Variants in GRID2 observed in about 807,000 individuals in gnomAD.
The protein encoded by GRID2 is glutamate ionotropic receptor delta type subunit 2.
In GRID2, 33 loss-of-function variants were observed where a neutral mutation model predicts 114.8. The ratio of observed to expected loss-of-function variants is 0.29; its 90% CI spans 0.22 to 0.38. The LOEUF (loss-of-function observed/expected upper bound fraction) is 0.38. Among genes scored for constraint, GRID2 ranks in the 10% least tolerant of loss-of-function variants. The pLI is 1.00. For missense variants in GRID2, 1,184 were observed against 1,257.7 expected (o/e 0.94, Z 0.89); for synonymous variants, 505 against 449.9 (o/e 1.12, Z -1.55).
chr4:92,502,680 G>A (rs1181975214), intron 1 of GRID2, among the ~76,000 whole-genome samples: 1 of 137,142 alleles, frequency 7.3e-6, no homozygotes. Context: ...GCAAATAAAA[G>A]CAATGAACTA....
intron 4 of GRID2, among the ~76,000 whole-genome samples, chr4:93,151,442 CT>C (rs34629174): frequency 0.075 from 11,390 of 152,124 alleles, 462 homozygotes; most frequent in East Asian, 0.17. Context: ...CTTCAACAGG[CT>C]CAAACTTCAA....
intron 2 of GRID2, among the ~76,000 whole-genome samples, chr4:92,688,513 C>T (rs547491511): frequency 2.6e-5 from 4 of 152,200 alleles, no homozygotes; most frequent in Non-Finnish European, 4.4e-5. Context: ...AACAGTATTC[C>T]CAACATCTTT....
At chr4:93,370,404 CACACACACAA>C (rs1213577938) in intron 8 of GRID2, among the ~76,000 whole-genome samples, 44 of 148,840 alleles carry the variant, frequency 3.0e-4, no homozygotes, top group East Asian at 3.9e-4. Context: ...CACACAAACA[CACACACACAA>C]ACACACACAA....
intron 4 of GRID2, among the ~76,000 whole-genome samples, chr4:93,157,955 C>T (rs1560936738): frequency 6.6e-6 from 1 of 151,788 alleles, no homozygotes; most frequent in Admixed American, 6.6e-5. Context: ...AATTTTAAGA[C>T]AGAAATAACA....
In GRID2 at chr4:93,773,054, C is replaced by CA. The variant is rs1734226895; in HGVS notation, c.*562dup. The CA allele has an allele frequency of 6.6e-6, 1 of 152,124 alleles. No individual in the cohort carries two copies. Among genetic ancestry groups the CA allele is most frequent in the Non-Finnish European group, 1.5e-5 (1 of 68,062 alleles). The allele number at this position is 152,124 out of a possible 1,614,324, so 9.4% of individuals were successfully genotyped here. A position where few individuals can be genotyped will look rare whatever the true frequency, so the allele number is the denominator to read the frequency against. On this transcript the variant is annotated 3_prime_UTR_variant, in exon 16 of 16. Transcript: ENST00000282020. ...ATGAGAATGCAATTTTGTAGGATTA[C>CA]AAAAAAGCCATTAATATGCCAGTCA...
At chr4:93,786,646 G>A (rs762616517) in intron 1 of GRID2, among the ~76,000 whole-genome samples, 5 of 152,196 alleles carry the variant, frequency 3.3e-5, no homozygotes, top group Non-Finnish European at 7.3e-5. Context: ...TCTACAAGAT[G>A]GAGGAAGCAA....
chr4:93,497,372 G>T (rs553364414), intron 12 of GRID2, among the ~76,000 whole-genome samples: 4 of 151,694 alleles, frequency 2.6e-5, no homozygotes, highest in Non-Finnish European at 4.4e-5. Context: ...AGTTGATGAA[G>T]TGCAATGTAT....
chr4:93,744,826 C>A (rs773947289), intron 14 of GRID2, among the ~76,000 whole-genome samples: 1 of 151,634 alleles, frequency 6.6e-6, no homozygotes, highest in Non-Finnish European at 1.5e-5. Flanking sequence ...ATACAGCAAC[C>A]CTCATTGTTA....
chr4:92,994,341 TTTTG>T (rs573625295), intron 2 of GRID2, among the ~76,000 whole-genome samples: 107 of 152,062 alleles, frequency 7.0e-4, no homozygotes, highest in African/African-American at 1.8e-3. Context: ...AAGTTATTGT[TTTTG>T]TTTGTTTGTT....
At chr4:93,443,588 A>C (rs1721817535) in intron 10 of GRID2, among the ~76,000 whole-genome samples, 1 of 151,928 alleles carries the variant, frequency 6.6e-6, no homozygotes, top group Admixed American at 6.6e-5. Context: ...ACCTTGTCTG[A>C]GTCTTAGATT....
chr4:93,453,358 G>GAGAA (rs1317806922), intron 10 of GRID2, among the ~76,000 whole-genome samples: 2 of 137,522 alleles, frequency 1.5e-5, no homozygotes, highest in Admixed American at 1.4e-4. Context: ...GAGAGAGAGA[G>GAGAA]AGTGTGTGTA....
chr4:92,899,597 G>T (rs1256852527), intron 2 of GRID2, among the ~76,000 whole-genome samples: 1 of 141,534 alleles, frequency 7.1e-6, no homozygotes, highest in Non-Finnish European at 1.6e-5. Context: ...TTGTTATTTT[G>T]TTTTATTCAT....
chr4:93,254,699 A>G (rs966571634), intron 8 of GRID2, among the ~76,000 whole-genome samples: 1 of 152,154 alleles, frequency 6.6e-6, no homozygotes, highest in African/African-American at 2.4e-5. Context: ...ATATGATTTG[A>G]ATAAGTGCAC....
chr4:92,945,657 G>C (rs1032524675), intron 2 of GRID2, among the ~76,000 whole-genome samples: 7 of 152,162 alleles, frequency 4.6e-5, no homozygotes, highest in Admixed American at 4.6e-4. Context: ...CATGGTAGCT[G>C]CTTCAGTTTT....
chr4:92,902,995 C>G (rs918344372), intron 2 of GRID2, among the ~76,000 whole-genome samples: 3 of 151,932 alleles, frequency 2.0e-5, no homozygotes, highest in Non-Finnish European at 4.4e-5. Context: ...TGTGATGCCT[C>G]TAGATTTTTT....
intron 4 of GRID2, among the ~76,000 whole-genome samples, chr4:93,117,240 G>A (rs1417126946): frequency 6.6e-6 from 1 of 151,956 alleles, no homozygotes; most frequent in Non-Finnish European, 1.5e-5. Context: ...GTGTATTTAT[G>A]TTGCCTTGCT....
chr4:93,292,697 CTTAAAATTATGTTGGCCTTTCTGAGAT>C (rs1314378778), intron 8 of GRID2, among the ~76,000 whole-genome samples: 1 of 152,082 alleles, frequency 6.6e-6, no homozygotes, highest in Non-Finnish European at 1.5e-5. Flanking sequence ...TGGTTTTTAT[CTTAAAATTATGTTGGCCTTTCTGAGAT>C]TTAAAACTGC....
In GRID2 at chr4:93,380,031, C is replaced by T. The variant is rs537772948; in HGVS notation, c.1246-15576C>T. ...GTAAGTTAAATGGTGCCCAACCCTG[C>T]GAAAAACAAAAAGTATGTCCATGAA... is the stretch of plus-strand genomic sequence containing the variant. On this transcript the variant is annotated intron_variant, in intron 8 of 15. Coordinates refer to ENST00000282020, the MANE Select transcript of GRID2 (RefSeq NM_001510.4). Among the ~76,000 whole-genome samples, 14 of 151,702 alleles carry T rather than the reference C, an allele frequency of 9.2e-5. No individual in the cohort carries two copies. The South Asian group carries it at 2.3e-3, about 25-fold the overall frequency.
chr4:92,647,304 T>C (rs1464806537), intron 2 of GRID2, among the ~76,000 whole-genome samples: 1 of 150,856 alleles, frequency 6.6e-6, no homozygotes, highest in African/African-American at 2.5e-5. Context: ...ATTACTATTG[T>C]AAGATTTTTT....
Sources: gnomAD v4.1 joint callset for allele counts (sites outside exome capture counted in the v4.1 genomes callset) on GRCh38, gnomAD v4.1.1 for gene constraint, MANE v1.5 for transcripts, NCBI Gene and HGNC (gene_info 2026-07-23, HGNC 2026-07-21) for gene names.